MTUS2: variants seen among roughly 807,000 people sequenced by gnomAD.
The protein encoded by MTUS2 is microtubule-associated tumor suppressor candidate 2.
A neutral mutation model predicts 114.1 loss-of-function variants in MTUS2; 40 were observed. That is an observed-to-expected ratio of 0.35 (90% confidence interval 0.27 to 0.46). The LOEUF is 0.46. MTUS2 is among the 20% of genes least tolerant of loss of function. The pLI, the probability that MTUS2 is intolerant of heterozygous loss-of-function variation, is 1.00. For synonymous variants in MTUS2, 688 were observed against 672.0 expected (o/e 1.02, Z -0.37); for missense variants, 1,679 against 1,705.4 (o/e 0.98, Z 0.27).
intron 2 of MTUS2, among the ~76,000 whole-genome samples, chr13:28,855,688 G>T (rs1876580209): frequency 6.6e-6 from 1 of 152,094 alleles, no homozygotes; most frequent in African/African-American, 2.4e-5. Flanking sequence ...TGGGCATTTG[G>T]GTTGATTCCA....
intron 8 of MTUS2, among the ~76,000 whole-genome samples, chr13:29,379,056 A>T (rs1440204675): frequency 1.3e-5 from 2 of 152,138 alleles, no homozygotes; most frequent in Admixed American, 6.5e-5. Context: ...CTGCCATGTG[A>T]AGAAGGACGT....
At chr13:29,274,954 C>A (rs1246335403) in intron 5 of MTUS2, among the ~76,000 whole-genome samples, 5 of 151,274 alleles carry the variant, frequency 3.3e-5, no homozygotes, top group African/African-American at 1.2e-4. Context: ...AGGCTAGTCT[C>A]AAACTCTGGC....
chr13:29,224,808 A>AT (rs1288531389), intron 5 of MTUS2, among the ~76,000 whole-genome samples: 2 of 151,914 alleles, frequency 1.3e-5, no homozygotes, highest in Non-Finnish European at 2.9e-5. Flanking sequence ...TGCCCTCCCT[A>AT]TTTAGTGGTT....
chr13:29,158,500 GGACCCAGAAAGAACA>G (rs1459926432), intron 5 of MTUS2, among the ~76,000 whole-genome samples: 4 of 151,260 alleles, frequency 2.6e-5, no homozygotes, highest in Non-Finnish European at 5.9e-5. Context: ...AGTGAGAGCT[GGACCCAGAAAGAACA>G]GACTATAGCA....
intron 6 of MTUS2, among the ~76,000 whole-genome samples, chr13:29,310,707 G>A (rs939158257): frequency 6.6e-6 from 1 of 152,216 alleles, no homozygotes; most frequent in Admixed American, 6.5e-5. Flanking sequence ...ATATCCATTA[G>A]AATGGTGACA....
chr13:29,300,152 A>G lies in MTUS2; in HGVS notation c.2806+18287A>G, dbSNP rs1295978559. On this transcript the variant is annotated intron_variant, in intron 6 of 15. Coordinates refer to ENST00000612955, the MANE Select transcript of MTUS2 (RefSeq NM_001033602.4). ...AAAACAATAGCAAGAATAATATTTT[A>G]GGTAATTTTAGATAATATGGAAGAC... Among the ~76,000 whole-genome samples the G allele has an allele frequency of 2.8e-4, 42 of 152,218 alleles. 1 individual carries two copies. Among genetic ancestry groups the G allele is most frequent in the Admixed American group, 2.7e-3 (41 of 15,284 alleles).
intron 2 of MTUS2, among the ~76,000 whole-genome samples, chr13:28,923,226 T>G (rs1881145056): frequency 6.6e-6 from 1 of 152,246 alleles, no homozygotes; most frequent in Non-Finnish European, 1.5e-5. Context: ...CATGACTGCT[T>G]TAAAATCCTT....
chr13:29,251,722 T>C (rs1332123192), intron 5 of MTUS2, among the ~76,000 whole-genome samples: 1 of 152,258 alleles, frequency 6.6e-6, no homozygotes, highest in East Asian at 1.9e-4. Flanking sequence ...TTCCTGAGCA[T>C]GGTATCTTCA....
At chr13:29,466,875 T>G (rs138427196) in intron 9 of MTUS2, among the ~76,000 whole-genome samples, 2 of 51,970 alleles carry the variant, frequency 3.8e-5, no homozygotes, top group African/African-American at 2.4e-4. Context: ...AGACCTCATC[T>G]CAAAAAAAAA....
intron 2 of MTUS2, among the ~76,000 whole-genome samples, chr13:28,989,257 A>C (rs1884717178): frequency 6.6e-6 from 1 of 152,204 alleles, no homozygotes; most frequent in Non-Finnish European, 1.5e-5. Context: ...TTGCTTAGTA[A>C]TTTGGGCATT....
At chr13:29,062,542 C>T (rs1344032979) in intron 4 of MTUS2, among the ~76,000 whole-genome samples, 1 of 152,178 alleles carries the variant, frequency 6.6e-6, no homozygotes, top group Non-Finnish European at 1.5e-5. Flanking sequence ...TATTTCCAAC[C>T]TCAAGTGATT....
intron 2 of MTUS2, among the ~76,000 whole-genome samples, chr13:28,861,450 T>TC (rs1876978094): frequency 6.6e-6 from 1 of 151,334 alleles, no homozygotes; most frequent in African/African-American, 2.4e-5. Context: ...TTTTTTTTTT[T>TC]TTTTTACCCT....
At chr13:29,393,632 G>C (rs1044186494) in intron 8 of MTUS2, among the ~76,000 whole-genome samples, 7 of 152,188 alleles carry the variant, frequency 4.6e-5, no homozygotes, top group Admixed American at 2.0e-4. Context: ...TGTGAACCCT[G>C]AATATCTGAG....
intron 5 of MTUS2, among the ~76,000 whole-genome samples, chr13:29,214,768 C>T (rs1006185527): frequency 1.3e-5 from 2 of 152,154 alleles, no homozygotes; most frequent in Non-Finnish European, 2.9e-5. Flanking sequence ...GGTAACCTGA[C>T]CTTTCTCTCT....
intron 2 of MTUS2, among the ~76,000 whole-genome samples, chr13:28,928,069 T>A (rs995885716): frequency 6.6e-6 from 1 of 152,124 alleles, no homozygotes; most frequent in African/African-American, 2.4e-5. Context: ...GAATCTAGGA[T>A]TCCTATTTCT....
chr13:29,424,069 G>C (rs755211678), intron 8 of MTUS2, among the ~76,000 whole-genome samples: 4 of 149,910 alleles, frequency 2.7e-5, no homozygotes, highest in Non-Finnish European at 5.9e-5. Flanking sequence ...GTTTCACCAT[G>C]TTGGCTGGGC....
rs191331429 is a variant in MTUS2 at position 29,261,623 on chromosome 13, A to G, written c.2645-20081A>G. 3.3e-5 allele frequency among the ~76,000 whole-genome samples: 5 copies of G among 152,368 alleles called. 1 individual carries two copies. The East Asian group carries it at 9.6e-4, about 29-fold the overall frequency. On this transcript the variant is annotated intron_variant, in intron 5 of 15. Transcript: ENST00000612955. ...TATTGCTCTATTAATAAAAGCTACT[A>G]TATAAGCCCTTGATCATTTCTATAA...
chr13:29,456,592 G>A (rs1655751959), intron 9 of MTUS2, among the ~76,000 whole-genome samples: 1 of 152,104 alleles, frequency 6.6e-6, no homozygotes, highest in African/African-American at 2.4e-5. Context: ...ATATAAAGAG[G>A]AAATGCTAAA....
intron 5 of MTUS2, among the ~76,000 whole-genome samples, chr13:29,141,042 T>G (rs1296198506): frequency 3.3e-5 from 5 of 152,188 alleles, no homozygotes; most frequent in South Asian, 2.1e-4. Flanking sequence ...TGAACTAAAT[T>G]TGTCATTAGC....
Sources: gnomAD v4.1 joint callset for allele counts (sites outside exome capture counted in the v4.1 genomes callset) on GRCh38, gnomAD v4.1.1 for gene constraint, MANE v1.5 for transcripts, NCBI Gene and HGNC (gene_info 2026-07-23, HGNC 2026-07-21) for gene names.